Variants in ACOX1 observed in about 807,000 individuals in gnomAD.
ACOX1 encodes the protein acyl-CoA oxidase 1, also known as peroxisomal acyl-coenzyme A oxidase 1.
A neutral mutation model predicts 75.5 loss-of-function variants in ACOX1; 41 were observed. The observed-to-expected ratio is 0.54, with a 90% confidence interval of 0.42 to 0.70. The LOEUF is 0.70. Ranked by LOEUF, ACOX1 falls within the 30% of genes least tolerant of loss-of-function variation. The probability of loss-of-function intolerance (pLI) is 0.00; values close to 1 mark genes in which losing one functional copy is unlikely to be tolerated. For synonymous variants in ACOX1, 303 were observed against 298.8 expected, an observed-to-expected ratio of 1.01 and a Z score of -0.15; for missense variants, 630 against 837.5, an observed-to-expected ratio of 0.75 and a Z score of 3.06.
At chr17:75,949,672 C>T (rs2065755972) in intron 10 of ACOX1, 46 bp downstream of exon 10, 2 of 1,613,548 alleles carry the variant, frequency 1.2e-6, no homozygotes, top group Non-Finnish European at 1.7e-6. Context: ...TCTGTCAGGG[C>T]CCCAGCCCCA....
In ACOX1 at chr17:75,965,380, T is replaced by C. The variant is rs12603996; in HGVS notation, c.270-5005A>G. Reference sequence around the variant, plus strand: ...ACCCAGAAAAAAGATAAATACCTAATAGGGTGGGAAAAAAAGATAAAAATA... The same window carrying C: ...ACCCAGAAAAAAGATAAATACCTAACAGGGTGGGAAAAAAAGATAAAAATA... On this transcript the variant is annotated intron_variant, in intron 2 of 13. Coordinates refer to ENST00000293217, the MANE Select transcript of ACOX1 (RefSeq NM_004035.7). Among the ~76,000 whole-genome samples, 206 of 138,514 alleles carry C rather than the reference T, an allele frequency of 1.5e-3. 5 individuals are homozygous for C. In the East Asian group the frequency reaches 0.038, roughly 26 times the overall value. The allele number at this position is 138,514 out of a possible 152,430, so 90.9% of individuals were successfully genotyped here.
Position 75,960,318 on chromosome 17 carries a change from G to T in ACOX1, c.327C>A (p.Pro109=), listed in dbSNP as rs2065875647. The T allele has an allele frequency of 6.2e-7, 1 of 1,614,070 alleles. No individual in the cohort carries two copies. Among genetic ancestry groups the T allele is most frequent in the African/African-American group, 1.3e-5 (1 of 74,948 alleles). Reference sequence around the variant, plus strand: ...CCGCAGTTGCCTGGTGAAGCAAGGTGGGCAGGAACATGCCCAAGTGAAGAT... The same window carrying T: ...CCGCAGTTGCCTGGTGAAGCAAGGTTGGCAGGAACATGCCCAAGTGAAGAT... The part of the protein sequence containing the change: ...PLDLHLGMFL[P]TLLHQATAEQ... The change falls in exon 3 of 14, where the codon CCC becomes CCA. Residue 109 remains proline (P), a synonymous_variant. Transcript: ENST00000293217. This position sits in a 1 kb window ranked among gnomAD's most constrained non-coding sequence, Gnocchi z 4.4.
At position 75,950,207 on chromosome 17, in the gene ACOX1, C is replaced by T. The variant is rs1281221259; in HGVS notation, c.1299-310G>A. 1.3e-5 allele frequency among the ~76,000 whole-genome samples: 2 copies of T among 151,766 alleles called. No homozygotes were observed. The highest frequency in any genetic ancestry group is 1.9e-4 in the East Asian group (1 of 5,188). The stretch of plus-strand genomic sequence containing the variant: ...ACCTCAAGTGATCTACCCGGCTTGG[C>T]GTCCCAAAGTGCTGGGATTACAGGA... On this transcript the variant is annotated intron_variant, in intron 9 of 13. Coordinates refer to ENST00000293217, the MANE Select transcript of ACOX1 (RefSeq NM_004035.7). The surrounding 1 kb of genome is among the most constrained non-coding windows in gnomAD (Gnocchi z 4.3).
intron 3 of ACOX1, among the ~76,000 whole-genome samples, chr17:75,958,805 C>T (rs1287265716): frequency 8.8e-6 from 1 of 114,196 alleles, no homozygotes; most frequent in African/African-American, 4.7e-5. Context: ...ACGACTCCGT[C>T]TCAAAAAAAA....
intron 12 of ACOX1, 59 bp downstream of exon 12, chr17:75,949,158 C>G: frequency 6.2e-7 from 1 of 1,605,636 alleles, no homozygotes; most frequent in Non-Finnish European, 8.5e-7. Context: ...CCGTGCCCAG[C>G]CAACAATTAT....
Position 75,950,679 on chromosome 17 carries a change from T to C in ACOX1, c.1298+95A>G, listed in dbSNP as rs1218100446. 6 of 1,348,526 alleles carry C rather than the reference T, an allele frequency of 4.4e-6. No individual in the cohort carries two copies. Among genetic ancestry groups the C allele is most frequent in the Admixed American group, 1.7e-5 (1 of 57,282 alleles). The allele number at this position is 1,348,526 out of a possible 1,614,324, so 83.5% of individuals were successfully genotyped here. The stretch of plus-strand genomic sequence containing the variant: ...TATACCTTTCAGGAACAAATATATA[T>C]ATACGGTGAAGAAAAACCATGGGAA... On this transcript the variant is annotated intron_variant, in intron 9 of 13. Transcript: ENST00000293217. The surrounding 1 kb of genome is among the most constrained non-coding windows in gnomAD (Gnocchi z 4.3).
At chr17:75,966,286 G>A (rs1335130095) in intron 2 of ACOX1, among the ~76,000 whole-genome samples, 4 of 149,614 alleles carry the variant, frequency 2.7e-5, no homozygotes, top group Admixed American at 6.7e-5. Context: ...GTGAAACTCC[G>A]TTTCTACTAA....
At chr17:75,955,507 G>GT (rs1481748297) in intron 6 of ACOX1, 59 bp downstream of exon 6, 12 of 1,374,712 alleles carry the variant, frequency 8.7e-6, no homozygotes, top group African/African-American at 7.1e-5. Flanking sequence ...CCTATTGTGA[G>GT]TAACAGCCAC....
rs780926667 is a variant in ACOX1, at chr17:75,951,489, C to T, written c.1033G>A (p.Gly345Ser). 5.0e-6 allele frequency: 8 copies of T among 1,613,972 alleles called. No homozygotes were observed. Among genetic ancestry groups the T allele is most frequent in the Non-Finnish European group, 5.9e-6 (7 of 1,180,012 alleles). ...LATAYAFQFV[G>S]AYMKETYHRI... ...TGATAGGTCTCCTTCATGTATGCGC[C>T]CACAAACTGGAAGGCATAGGCAGTG... is the stretch of plus-strand genomic sequence containing the variant. Residue 345 changes from glycine (G) to serine (S), a missense_variant, in exon 8 of 14, where the codon GGC becomes AGC. Around this residue, in one of 2 missense-constraint regions of ACOX1, gnomAD observed 390 missense variants for 574.9 expected, o/e 0.68. Coordinates refer to ENST00000293217, the MANE Select transcript of ACOX1 (RefSeq NM_004035.7).
At chr17:75,951,830 T>G (rs1218895916) in intron 7 of ACOX1, among the ~76,000 whole-genome samples, 2 of 146,784 alleles carry the variant, frequency 1.4e-5, no homozygotes, top group Non-Finnish European at 3.0e-5. Context: ...TTTTTTTTTT[T>G]TTGTGATGGA....
intron 3 of ACOX1, among the ~76,000 whole-genome samples, chr17:75,958,564 T>C (rs111844584): frequency 0.026 from 3,995 of 150,872 alleles, 326 homozygotes; most frequent in African/African-American, 0.094. Flanking sequence ...ATCCCAGCAC[T>C]TTGGGGGGCC....
In ACOX1 at chr17:75,950,532, G is replaced by C. The variant is rs1441849540; in HGVS notation, c.1298+242C>G. The stretch of plus-strand genomic sequence containing the variant: ...CCCAAAGTGCTGGGATTACAGTCAT[G>C]AGCCACTGTGCCCAGCCCAGTAACT... On this transcript the variant is annotated intron_variant, in intron 9 of 13. Transcript: ENST00000293217. This position sits in a 1 kb window ranked among gnomAD's most constrained non-coding sequence, Gnocchi z 4.3. 6.6e-6 allele frequency among the ~76,000 whole-genome samples: 1 copy of C among 152,130 alleles called. No homozygotes were observed. The highest frequency in any genetic ancestry group is 1.5e-5 in the Non-Finnish European group (1 of 68,034).
intron 3 of ACOX1, among the ~76,000 whole-genome samples, chr17:75,958,130 G>A (rs142413257): frequency 2.3e-4 from 35 of 152,090 alleles, no homozygotes; most frequent in African/African-American, 7.2e-4. Flanking sequence ...CGAGGCGGGT[G>A]GATCACGAGG....
intron 4 of ACOX1, 117 bp from the exon 5 acceptor site, chr17:75,956,064 T>A: frequency 7.1e-7 from 1 of 1,411,710 alleles, no homozygotes; most frequent in Non-Finnish European, 9.9e-7. Context: ...ATAGTATGTG[T>A]CCAGAAAGCC....
In ACOX1 at chr17:75,945,007, A is replaced by G. The variant is rs1296146561; in HGVS notation, c.*1741T>C. 1 of 152,082 alleles carries G rather than the reference A, an allele frequency of 6.6e-6. No individual in the cohort carries two copies. Among genetic ancestry groups the G allele is most frequent in the Non-Finnish European group, 1.5e-5 (1 of 68,032 alleles). 9.4% of individuals were successfully genotyped at this position (152,082 alleles called of 1,614,324 possible). ...GTGATCCACCCGCTTCGGCCTCCCA[A>G]AGTGCTTGGATTACAGGCGTGAGCC... On this transcript the variant is annotated 3_prime_UTR_variant, in exon 14 of 14. Coordinates refer to ENST00000293217, the MANE Select transcript of ACOX1 (RefSeq NM_004035.7).
At chr17:75,946,993 C>G (rs1326546158) in intron 13 of ACOX1, among the ~76,000 whole-genome samples, 198 bp from the exon 14 acceptor site, 1 of 151,876 alleles carries the variant, frequency 6.6e-6, no homozygotes, top group East Asian at 1.9e-4. Context: ...CTTAGCCTCC[C>G]GAGTTGCTAG....
chr17:75,964,932 G>T (rs1346512037), intron 2 of ACOX1, among the ~76,000 whole-genome samples: 1 of 151,760 alleles, frequency 6.6e-6, no homozygotes, highest in African/African-American at 2.4e-5. Context: ...GAGAAAGGAA[G>T]AAATAAAAAG....
At position 75,950,469 on chromosome 17, in the gene ACOX1, C is replaced by T. The variant is rs1567873891; in HGVS notation, c.1298+305G>A. ...GTTTCACCATGTTGATCAAGCTGGT[C>T]TTGAACTCCTTACCTCATGATCTGC... is the stretch of plus-strand genomic sequence containing the variant. On this transcript the variant is annotated intron_variant, in intron 9 of 13. Coordinates refer to ENST00000293217, the MANE Select transcript of ACOX1 (RefSeq NM_004035.7). This position sits in a 1 kb window ranked among gnomAD's most constrained non-coding sequence, Gnocchi z 4.3. Among the ~76,000 whole-genome samples, 1 of 151,844 alleles carries T rather than the reference C, an allele frequency of 6.6e-6. No homozygotes were observed. The highest frequency in any genetic ancestry group is 1.5e-5 in the Non-Finnish European group (1 of 67,978).
rs1369798729 is a variant in ACOX1 at position 75,950,882 on chromosome 17, C to T, written c.1190G>A (p.Gly397Asp). ...TGIEACRMAC[G>D]GHGYSHCSGL... The stretch of plus-strand genomic sequence containing the variant: ...ACTGCAATGAGAATAGCCATGCCCA[C>T]CACAAGCCATCCGACATGCTTCAAT... Residue 397 changes from glycine (G) to aspartate (D), a missense_variant, in exon 9 of 14, where the codon GGT becomes GAT. By Grantham distance (94) the Gly-to-Asp change is moderately conservative. This residue lies in a region of ACOX1 where 390 missense variants were observed against 574.9 expected (regional missense o/e 0.68). Transcript: ENST00000293217. This position sits in a 1 kb window ranked among gnomAD's most constrained non-coding sequence, Gnocchi z 4.3. 6.2e-7 allele frequency: 1 copy of T among 1,614,032 alleles called. No individual in the cohort carries two copies. The highest frequency in any genetic ancestry group is 8.5e-7 in the Non-Finnish European group (1 of 1,180,036).
Sources: gnomAD v4.1 joint callset for allele counts (sites outside exome capture counted in the v4.1 genomes callset) on GRCh38, gnomAD v4.1.1 for gene constraint, gnomAD v4.1.1 regional missense constraint, Gnocchi (gnomAD v3.1) non-coding constraint, MANE v1.5 for transcripts, NCBI Gene and HGNC (gene_info 2026-07-23, HGNC 2026-07-21) for gene names.